Variants in KIF26A observed in about 807,000 individuals in gnomAD.
KIF26A encodes kinesin family member 26A.
Under a neutral mutation model 126.0 loss-of-function variants are expected in KIF26A, and 74 were observed. That is an observed-to-expected ratio of 0.59 (90% CI 0.49 to 0.71). The LOEUF is 0.71. Among genes scored for constraint, KIF26A ranks in the 30% least tolerant of loss-of-function variants. The probability of loss-of-function intolerance (pLI) is 0.00; values close to 1 mark genes in which losing one functional copy is unlikely to be tolerated. For missense variants in KIF26A, 2,984 were observed against 2,763.3 expected, an observed-to-expected ratio of 1.08 and a Z score of -1.79; for synonymous variants, 1,445 against 1,232.7, an observed-to-expected ratio of 1.17 and a Z score of -3.61.
Position 104,138,742 on chromosome 14 carries a change from C to G in KIF26A, c.20C>G (p.Pro7Arg). 7.9e-7 allele frequency: 1 copy of G among 1,269,084 alleles called. No individual in the cohort carries two copies. Among genetic ancestry groups the G allele is most frequent in the South Asian group, 2.8e-5 (1 of 35,996 alleles). The allele number at this position is 1,269,084 out of a possible 1,614,324, so 78.6% of individuals were successfully genotyped here. MVGRGV[P>R]LCAAQPAVAE... ...CCGGCCATGGTCGGCCGCGGCGTCC[C>G]TCTGTGCGCTGCGCAGCCCGCGGTA... The change falls in exon 1 of 15, where the codon CCT becomes CGT. Residue 7 changes from proline (P) to arginine (R), a missense_variant. Physicochemically the swap from Pro to Arg is moderately radical, Grantham distance 103. Transcript: ENST00000423312.
In KIF26A at chr14:104,179,841, A is replaced by G. The variant is rs1475734146; in HGVS notation, c.*51A>G. 5.5e-6 allele frequency: 8 copies of G among 1,461,862 alleles called. No individual in the cohort carries two copies. The African/African-American group carries it at 9.9e-5, about 18-fold the overall frequency. 90.6% of individuals were successfully genotyped at this position (1,461,862 alleles called of 1,614,324 possible). A position where few individuals can be genotyped will look rare whatever the true frequency, so the allele number is the denominator to read the frequency against. ...GGCGTGCAGCGGGCTGGAGGACGGG[A>G]CGTGGGACGGAGCGAGGATGTGGTG... On this transcript the variant is annotated 3_prime_UTR_variant, in exon 15 of 15. Coordinates refer to ENST00000423312, the MANE Select transcript of KIF26A (RefSeq NM_015656.2).
chr14:104,157,858 T>A lies in KIF26A; in HGVS notation c.839T>A (p.Val280Asp). The A allele has an allele frequency of 6.2e-7, 1 of 1,605,508 alleles. No homozygotes were observed. The highest frequency in any genetic ancestry group is 8.5e-7 in the Non-Finnish European group (1 of 1,176,028). The change falls in exon 4 of 15, where the codon GTC becomes GAC. Residue 280 changes from valine to aspartate, a missense_variant. Val to Asp is a radical substitution (Grantham distance 152). Transcript: ENST00000423312. ...TCGAAGGCCTGGGGCCGTGGTGGAG[T>A]CTGCACGTCAGCCCTGGTCACCCCC... ...GLSKAWGRGG[V>D]CTSALVTPTP... is the part of the protein sequence containing the mutation.
rs1259403142 is a variant in KIF26A at position 104,176,287 on chromosome 14, G to A, written c.3499G>A (p.Asp1167Asn). Residue 1167 changes from aspartate (D) to asparagine (N), a missense_variant, in exon 12 of 15, where the codon GAC becomes AAC. Coordinates refer to ENST00000423312, the MANE Select transcript of KIF26A (RefSeq NM_015656.2). ...TGGGTTCCTGGGGCCAGACAGACCTGACAGTCCTGGGCCAACCTGGGGTCC... is the reference window on the plus strand; with the variant it reads ...TGGGTTCCTGGGGCCAGACAGACCTAACAGTCCTGGGCCAACCTGGGGTCC... ...SSGFLGPDRP[D>N]SPGPTWGPCP... 1 of 1,589,746 alleles carries A rather than the reference G, an allele frequency of 6.3e-7. No individual in the cohort carries two copies. Among genetic ancestry groups the A allele is most frequent in the East Asian group, 2.3e-5 (1 of 44,298 alleles).
At chr14:104,145,079 C>T (rs1271831871) in intron 2 of KIF26A, among the ~76,000 whole-genome samples, 1 of 152,214 alleles carries the variant, frequency 6.6e-6, no homozygotes, top group East Asian at 1.9e-4. Context: ...GAACACTGTG[C>T]TTGGTGAGAC....
In KIF26A at chr14:104,177,101, T is replaced by C; in HGVS notation, c.4313T>C (p.Leu1438Pro). The change falls in exon 12 of 15, where the codon CTG (leucine) becomes CCG (proline). Residue 1438 changes from leucine (L) to proline (P), a missense_variant. Leu to Pro is a moderately conservative substitution (Grantham distance 98, BLOSUM62 -3). Transcript: ENST00000423312. Reference protein sequence around the residue: ...AAHRLAGHASLERYEGLAHSS... With the variant: ...AAHRLAGHASPERYEGLAHSS... ...CACCGTCTTGCCGGACACGCGTCTC[T>C]GGAGCGGTACGAAGGCCTGGCGCAC... The C allele has an allele frequency of 6.3e-7, 1 of 1,597,316 alleles. No homozygotes were observed. Among genetic ancestry groups the C allele is most frequent in the Non-Finnish European group, 8.5e-7 (1 of 1,179,304 alleles).
At chr14:104,171,626 G>A (rs748095234) in intron 5 of KIF26A, 97 bp from the exon 6 acceptor site, 32 of 1,056,808 alleles carry the variant, frequency 3.0e-5, no homozygotes, top group Non-Finnish European at 4.1e-5. Context: ...GTGAGGCCTG[G>A]CCCGCTGTCC....
chr14:104,159,767 G>A (rs986233776), intron 4 of KIF26A, among the ~76,000 whole-genome samples: 1 of 152,196 alleles, frequency 6.6e-6, no homozygotes, highest in Non-Finnish European at 1.5e-5. Flanking sequence ...AGGTTGTGGC[G>A]GGGGACATCC....
In KIF26A at chr14:104,178,746, C is replaced by G; in HGVS notation, c.5307C>G (p.Ala1769=). The G allele has an allele frequency of 6.6e-7, 1 of 1,524,742 alleles. No homozygotes were observed. Among genetic ancestry groups the G allele is most frequent in the South Asian group, 1.2e-5 (1 of 82,618 alleles). 94.5% of individuals were successfully genotyped at this position (1,524,742 alleles called of 1,614,324 possible). A position where few individuals can be genotyped will look rare whatever the true frequency, so the allele number is the denominator to read the frequency against. ...GGCCCCGCCCCACCCCGAGGGAGGC[C>G]CCCACCCAGGTAGGGCCTTTGGTGG... ...LQRPRPTPRE[A]PTQGLACVST... Residue 1769 remains alanine, a synonymous_variant, in exon 13 of 15, where the codon GCC becomes GCG. Coordinates refer to ENST00000423312, the MANE Select transcript of KIF26A (RefSeq NM_015656.2).
Position 104,179,766 on chromosome 14 carries a change from G to C in KIF26A, c.5625G>C (p.Pro1875=), listed in dbSNP as rs560446076. The change falls in exon 15 of 15, where the codon CCG becomes CCC. Residue 1875 remains proline, a synonymous_variant. Transcript: ENST00000423312. ...GCGTTGCAGCCAGTGCTGCCATCCC[G>C]GGGCCGCAGGAGGTGGACGTCTGAG... The part of the protein sequence containing the change: ...DISVAASAAI[P]GPQEVDV The C allele has an allele frequency of 4.7e-5, 73 of 1,545,234 alleles. No individual in the cohort carries two copies. The East Asian group carries it at 1.5e-3, about 31-fold the overall frequency.
chr14:104,157,095 G>C (rs540117438), intron 3 of KIF26A, among the ~76,000 whole-genome samples: 1 of 152,146 alleles, frequency 6.6e-6, no homozygotes, highest in Non-Finnish European at 1.5e-5. Context: ...CTGAGGGTTC[G>C]GGGTCCCACG....
chr14:104,175,094 C>T lies in KIF26A; in HGVS notation c.2306C>T (p.Thr769Met), dbSNP rs756922028. The T allele has an allele frequency of 2.4e-5, 39 of 1,601,016 alleles. No individual in the cohort carries two copies. The highest frequency in any genetic ancestry group is 1.4e-4 in the South Asian group (12 of 88,818). The change falls in exon 12 of 15, where the codon ACG (threonine) becomes ATG (methionine). Residue 769 changes from threonine to methionine, a missense_variant. Transcript: ENST00000423312. Reference protein sequence around the residue: ...PRTVALDPDRTPPCLPGDPDY... With the variant: ...PRTVALDPDRMPPCLPGDPDY... ...ACTGTGGCCCTGGACCCCGACCGCA[C>T]GCCTCCCTGCCTGCCCGGTGACCCC...
Position 104,176,910 on chromosome 14 carries a change from G to A in KIF26A, c.4122G>A (p.Arg1374=). 6.5e-7 allele frequency: 1 copy of A among 1,538,916 alleles called. No homozygotes were observed. The highest frequency in any genetic ancestry group is 1.2e-5 in the South Asian group (1 of 83,916). Residue 1374 remains arginine, a synonymous_variant, in exon 12 of 15, where the codon AGG becomes AGA. Coordinates refer to ENST00000423312, the MANE Select transcript of KIF26A (RefSeq NM_015656.2). ...CGCGGAAGTCCAGCCTGGAGCAGAGGAGCAGCCCGGCCTCGGCCCCTCCGC... is the reference window on the plus strand; with the variant it reads ...CGCGGAAGTCCAGCCTGGAGCAGAGAAGCAGCCCGGCCTCGGCCCCTCCGC... The part of the protein sequence containing the change: ...PPTRKSSLEQ[R]SSPASAPPHA...
intron 13 of KIF26A, 84 bp downstream of exon 13, chr14:104,178,839 C>G: frequency 1.3e-6 from 1 of 789,106 alleles, no homozygotes. Context: ...GATGGGCTCG[C>G]CAGGCCTCTG....
chr14:104,173,104 C>G lies in KIF26A; in HGVS notation c.1548C>G (p.Val516=), dbSNP rs566949169. 1.4e-5 allele frequency: 23 copies of G among 1,606,728 alleles called. No homozygotes were observed. The South Asian group carries it at 2.1e-4, about 15-fold the overall frequency. ...AGAGGACGGGCACCCGCTTCTCCGTCCGGGTCTCAGCCGTGGAGGTGTGCG... is the reference window on the plus strand; with the variant it reads ...AGAGGACGGGCACCCGCTTCTCCGTGCGGGTCTCAGCCGTGGAGGTGTGCG... ...RRERTGTRFS[V]RVSAVEVCGR... The change falls in exon 8 of 15, where the codon GTC becomes GTG. Residue 516 remains valine, a synonymous_variant. Transcript: ENST00000423312.
At position 104,166,904 on chromosome 14, in the gene KIF26A, C is replaced by T. The variant is rs1371707394; in HGVS notation, c.969C>T (p.His323=). 2 of 1,590,208 alleles carry T rather than the reference C, an allele frequency of 1.3e-6. No homozygotes were observed. Among genetic ancestry groups the T allele is most frequent in the African/African-American group, 1.3e-5 (1 of 74,344 alleles). Residue 323 remains histidine (H), a synonymous_variant, in exon 5 of 15, where the codon CAC becomes CAT. Coordinates refer to ENST00000423312, the MANE Select transcript of KIF26A (RefSeq NM_015656.2). The stretch of plus-strand genomic sequence containing the variant: ...TGGCCTCCAAGAGGAAGAAGCCCCA[C>T]CCGCCACCGCCTCCAGCCACCCGCG... The part of the protein sequence containing the change: ...LSLASKRKKP[H]PPPPPATRGT...
At chr14:104,172,371 G>A (rs1228429974) in intron 6 of KIF26A, among the ~76,000 whole-genome samples, 2 of 152,256 alleles carry the variant, frequency 1.3e-5, no homozygotes, top group African/African-American at 4.8e-5. Flanking sequence ...TGTCTGGCCA[G>A]TCCCTCCTAC....
intron 4 of KIF26A, among the ~76,000 whole-genome samples, chr14:104,160,603 G>A (rs1452252842): frequency 5.3e-5 from 8 of 152,106 alleles, no homozygotes; most frequent in African/African-American, 1.7e-4. Context: ...AGGGTGGGGC[G>A]CGTGGGCCGG....
At position 104,176,429 on chromosome 14, in the gene KIF26A, C is replaced by T. The variant is rs747471698; in HGVS notation, c.3641C>T (p.Pro1214Leu). Residue 1214 changes from proline (P) to leucine (L), a missense_variant, in exon 12 of 15, where the codon CCG becomes CTG. Physicochemically the swap from Pro to Leu is moderately conservative, Grantham distance 98. Coordinates refer to ENST00000423312, the MANE Select transcript of KIF26A (RefSeq NM_015656.2). Reference protein sequence around the residue: ...QTIHSSLPRKPRTASATTRVG... With the variant: ...QTIHSSLPRKLRTASATTRVG... ...ATCCACTCCAGCCTCCCCCGGAAAC[C>T]GAGGACTGCCTCTGCCACCACCCGT... The T allele has an allele frequency of 2.3e-5, 37 of 1,595,404 alleles. No homozygotes were observed. Among genetic ancestry groups the T allele is most frequent in the Admixed American group, 6.7e-5 (4 of 59,346 alleles).
intron 4 of KIF26A, among the ~76,000 whole-genome samples, chr14:104,160,130 C>A (rs2037819817): frequency 6.6e-6 from 1 of 152,204 alleles, no homozygotes; most frequent in Admixed American, 6.5e-5. Context: ...GTGGAGGCAG[C>A]CTTAGATGGC....
Sources: gnomAD v4.1 joint callset for allele counts (sites outside exome capture counted in the v4.1 genomes callset) on GRCh38, gnomAD v4.1.1 for gene constraint, MANE v1.5 for transcripts, NCBI Gene and HGNC (gene_info 2026-07-23, HGNC 2026-07-21) for gene names.